The following COPA variants were observed in gnomAD, a reference collection of about 807,000 sequenced individuals.
COPA encodes the protein coat protein complex I subunit alpha.
COPA carries 10 observed loss-of-function variants against 158.7 expected under a neutral mutation model. The observed-to-expected ratio is 0.06, with a 90% CI of 0.04 to 0.11. The LOEUF (loss-of-function observed/expected upper bound fraction) is 0.11, where lower values mean the gene tolerates loss of function less well. Ranked by LOEUF, COPA falls within the 10% of genes least tolerant of loss-of-function variation. COPA has a pLI of 1.00. For synonymous variants in COPA, 462 were observed against 542.8 expected (o/e 0.85, Z 2.07); for missense variants, 1,065 against 1,536.7 (o/e 0.69, Z 5.13).
At chr1:160,323,850 C>G (rs1659408604) in intron 7 of COPA, among the ~76,000 whole-genome samples, 1 of 152,126 alleles carries the variant, frequency 6.6e-6, no homozygotes, top group African/African-American at 2.4e-5. Flanking sequence ...TATCTCCAGA[C>G]AAATTTTATT....
At chr1:160,293,789 C>T (rs56331725) in intron 25 of COPA, among the ~76,000 whole-genome samples, 2 of 152,032 alleles carry the variant, frequency 1.3e-5, no homozygotes, top group South Asian at 4.1e-4. Flanking sequence ...AGCCACTGTG[C>T]CCAGCCAAAT....
At chr1:160,307,943 C>T (rs1377844125) in intron 13 of COPA, among the ~76,000 whole-genome samples, 1 of 152,114 alleles carries the variant, frequency 6.6e-6, no homozygotes, top group Admixed American at 6.5e-5. Context: ...ACATGCTGGC[C>T]AGTCTTGCCC....
intron 4 of COPA, 39 bp downstream of exon 4, chr1:160,335,203 T>C (rs2101874627): frequency 6.4e-7 from 1 of 1,552,788 alleles, no homozygotes; most frequent in Non-Finnish European, 8.7e-7. Flanking sequence ...ATGGGGAAAC[T>C]AAGAATGCTC....
At chr1:160,313,688 C>T (rs1659047772) in intron 9 of COPA, among the ~76,000 whole-genome samples, 1 of 152,248 alleles carries the variant, frequency 6.6e-6, no homozygotes, top group Admixed American at 6.5e-5. Flanking sequence ...GCTGGGATTA[C>T]AGGCATGAGC....
intron 7 of COPA, among the ~76,000 whole-genome samples, chr1:160,323,839 A>G (rs1481753988): frequency 6.6e-6 from 1 of 152,108 alleles, no homozygotes; most frequent in African/African-American, 2.4e-5. Flanking sequence ...ATAATTATTA[A>G]TATCTCCAGA....
At chr1:160,305,307 A>G in intron 17 of COPA, 126 bp downstream of exon 17, 1 of 886,702 alleles carries the variant, frequency 1.1e-6, no homozygotes, top group Non-Finnish European at 1.8e-6. Flanking sequence ...TGCCCCTTGC[A>G]CATATATGCC....
chr1:160,339,764 T>A (rs1647949616), intron 3 of COPA, 145 bp downstream of exon 3: 1 of 656,950 alleles, frequency 1.5e-6, no homozygotes, highest in South Asian at 2.0e-5. Flanking sequence ...TCAATAAATG[T>A]TTGCTGAGTA....
chr1:160,309,531 G>GA (rs1247618582), intron 12 of COPA, among the ~76,000 whole-genome samples: 36 of 139,682 alleles, frequency 2.6e-4, no homozygotes, highest in East Asian at 2.1e-3. Flanking sequence ...CTCTGGAAAG[G>GA]AAAAAAAAAA....
At chr1:160,299,364 T>G in intron 17 of COPA, 100 bp from the exon 18 acceptor site, 1 of 1,170,620 alleles carries the variant, frequency 8.5e-7, no homozygotes, top group African/African-American at 1.5e-5. Context: ...AAGTGCCATT[T>G]GAACAATGAT....
chr1:160,336,412 T>G (rs543053527), intron 3 of COPA, among the ~76,000 whole-genome samples: 1 of 151,486 alleles, frequency 6.6e-6, no homozygotes, highest in East Asian at 1.9e-4. Context: ...CTTCTTAGGC[T>G]CCTAACTTGA....
intron 9 of COPA, 114 bp downstream of exon 9, chr1:160,313,876 T>C (rs1659052714): frequency 1.2e-5 from 12 of 1,009,484 alleles, no homozygotes; most frequent in Non-Finnish European, 1.6e-5. Context: ...TTTCATAATA[T>C]ATGATTTGAT....
In COPA at chr1:160,307,071, A is replaced by G. The variant is rs1220973375; in HGVS notation, c.1302+92T>C. 5 of 1,251,256 alleles carry G rather than the reference A, an allele frequency of 4.0e-6. No individual in the cohort carries two copies. The African/African-American group carries it at 5.9e-5, about 15-fold the overall frequency. 77.5% of individuals were successfully genotyped at this position (1,251,256 alleles called of 1,614,324 possible). Reference sequence around the variant, plus strand: ...CATGAGAATCACGGCTGCCCGGGGGAGAACAGAAAAAACAATGGTCTTTAT... The same window carrying G: ...CATGAGAATCACGGCTGCCCGGGGGGGAACAGAAAAAACAATGGTCTTTAT... On this transcript the variant is annotated intron_variant, in intron 14 of 32. Coordinates refer to ENST00000241704, the MANE Select transcript of COPA (RefSeq NM_004371.4).
At chr1:160,337,439 G>A (rs917636666) in intron 3 of COPA, among the ~76,000 whole-genome samples, 1 of 152,216 alleles carries the variant, frequency 6.6e-6, no homozygotes, top group Non-Finnish European at 1.5e-5. Context: ...CACCGAATGG[G>A]CCGGGTGCGG....
intron 17 of COPA, among the ~76,000 whole-genome samples, chr1:160,304,848 T>TAA (rs58719186): frequency 0.014 from 2,121 of 152,248 alleles, 47 homozygotes; most frequent in African/African-American, 0.042. Context: ...AAATATTCCT[T>TAA]AAGAGTAGAA....
rs778388338 is a variant in COPA at position 160,293,163 on chromosome 1, T to C, written c.2823+3A>G. ...CTCAAGAGGAAAAGCCAAGGTTACTTACCCGCATGGCTGTTTCGAAAGAGC... is the reference window on the plus strand; with the variant it reads ...CTCAAGAGGAAAAGCCAAGGTTACTCACCCGCATGGCTGTTTCGAAAGAGC... On this transcript the variant is annotated splice_donor_region_variant and intron_variant, in intron 27 of 32. Coordinates refer to ENST00000241704, the MANE Select transcript of COPA (RefSeq NM_004371.4). 3 of 1,614,138 alleles carry C rather than the reference T, an allele frequency of 1.9e-6. No individual in the cohort carries two copies. The highest frequency in any genetic ancestry group is 2.5e-6 in the Non-Finnish European group (3 of 1,180,020).
At chr1:160,293,721 C>T (rs1458920054) in intron 25 of COPA, among the ~76,000 whole-genome samples, 2 of 152,126 alleles carry the variant, frequency 1.3e-5, no homozygotes, top group African/African-American at 4.8e-5. Context: ...GTCTCCAACT[C>T]CTGAGTTCAA....
intron 6 of COPA, among the ~76,000 whole-genome samples, chr1:160,330,245 G>A (rs1647442690): frequency 6.6e-6 from 1 of 152,142 alleles, no homozygotes; most frequent in Non-Finnish European, 1.5e-5. Context: ...AAAAACCATG[G>A]AAAGCCATAG....
chr1:160,311,750 A>C (rs1270440297), intron 11 of COPA, 118 bp downstream of exon 11: 1 of 1,070,198 alleles, frequency 9.3e-7, no homozygotes, highest in Admixed American at 3.9e-5. Flanking sequence ...CCGTCTCAAA[A>C]AAAAATTAAA....
chr1:160,316,854 G>C (rs1354932244), intron 8 of COPA, among the ~76,000 whole-genome samples: 1 of 152,024 alleles, frequency 6.6e-6, no homozygotes, highest in Non-Finnish European at 1.5e-5. Context: ...TCCAAAACTT[G>C]AGGAAGAAAT....
Sources: allele counts gnomAD v4.1 joint callset (sites outside exome capture counted in the v4.1 genomes callset), GRCh38; gene constraint gnomAD v4.1.1; transcripts MANE v1.5; gene names NCBI Gene and HGNC (gene_info 2026-07-23, HGNC 2026-07-21).